ZNF804B: variants seen among roughly 807,000 people sequenced by gnomAD.
ZNF804B encodes zinc finger 804B.
ZNF804B carries 80 observed loss-of-function variants against 101.4 expected under a neutral mutation model. The ratio of observed to expected loss-of-function variants is 0.79; its 90% CI spans 0.66 to 0.95. The LOEUF (loss-of-function observed/expected upper bound fraction) is 0.95, where lower values mean the gene tolerates loss of function less well. Among genes scored for constraint, ZNF804B ranks in the 40% least tolerant of loss-of-function variants. The pLI, the probability that ZNF804B is intolerant of heterozygous loss-of-function variation, is 0.00. For synonymous variants in ZNF804B, 622 were observed against 558.8 expected, an observed-to-expected ratio of 1.11 and a Z score of -1.59; for missense variants, 1,673 against 1,561.9, an observed-to-expected ratio of 1.07 and a Z score of -1.20.
In ZNF804B at chr7:89,076,329, G is replaced by A. The variant is rs539194291; in HGVS notation, c.109-141826G>A. Reference sequence around the variant, plus strand: ...GGTCTTTCCTGTGCTGTTCTCGTGAGAGTGAATGAGTCTCATAAGATCTGA... The same window carrying A: ...GGTCTTTCCTGTGCTGTTCTCGTGAAAGTGAATGAGTCTCATAAGATCTGA... On this transcript the variant is annotated intron_variant, in intron 1 of 3. Coordinates refer to ENST00000333190, the MANE Select transcript of ZNF804B (RefSeq NM_181646.5). Among the ~76,000 whole-genome samples the A allele has an allele frequency of 1.0e-3, 157 of 151,912 alleles. 1 individual carries two copies. The highest frequency in any genetic ancestry group is 3.6e-3 in the African/African-American group (148 of 41,386).
At chr7:89,223,302 A>G (rs1789033635) in intron 2 of ZNF804B, among the ~76,000 whole-genome samples, 1 of 151,894 alleles carries the variant, frequency 6.6e-6, no homozygotes, top group South Asian at 2.1e-4. Flanking sequence ...TCAATAGAAC[A>G]TCTTAGATCT....
chr7:89,329,235 T>C (rs896272395), intron 3 of ZNF804B, among the ~76,000 whole-genome samples: 6 of 151,754 alleles, frequency 4.0e-5, no homozygotes, highest in Non-Finnish European at 8.8e-5. Context: ...TTCAGCTTTC[T>C]AGATATAGAG....
chr7:88,820,317 G>A (rs59534365), intron 1 of ZNF804B, among the ~76,000 whole-genome samples: 2,137 of 152,156 alleles, frequency 0.014, 51 homozygotes, highest in African/African-American at 0.049. Flanking sequence ...TTCACTTTTG[G>A]GAAGCTATCA....
At chr7:89,038,974 G>A (rs1788971521) in intron 1 of ZNF804B, among the ~76,000 whole-genome samples, 1 of 152,014 alleles carries the variant, frequency 6.6e-6, no homozygotes, top group South Asian at 2.1e-4. Flanking sequence ...CCATAAAAGT[G>A]ATGACTTATT....
intron 1 of ZNF804B, among the ~76,000 whole-genome samples, chr7:88,828,138 C>T (rs1791074894): frequency 6.6e-6 from 1 of 152,102 alleles, no homozygotes; most frequent in Non-Finnish European, 1.5e-5. Flanking sequence ...GTGACATTTG[C>T]ACTCTAATGC....
intron 1 of ZNF804B, among the ~76,000 whole-genome samples, chr7:89,192,577 G>A (rs1017170318): frequency 6.6e-5 from 10 of 151,910 alleles, no homozygotes; most frequent in Non-Finnish European, 1.0e-4. Context: ...ACTACCAGAT[G>A]TATATTACCA....
In ZNF804B at chr7:89,106,938, A is replaced by G. The variant is rs77866492; in HGVS notation, c.109-111217A>G. On this transcript the variant is annotated intron_variant, in intron 1 of 3. Transcript: ENST00000333190. ...TGAATTTGGTTTTGGAGCTGTAAGG[A>G]TTTGACAGCTATGTGACTCACAGAA... Among the ~76,000 whole-genome samples, 1,416 of 152,230 alleles carry G rather than the reference A, an allele frequency of 9.3e-3. 18 individuals are homozygous for G. Among genetic ancestry groups the G allele is most frequent in the African/African-American group, 0.032 (1,343 of 41,536 alleles).
At chr7:89,225,717 G>A (rs1193006802) in intron 2 of ZNF804B, among the ~76,000 whole-genome samples, 1 of 152,104 alleles carries the variant, frequency 6.6e-6, no homozygotes, top group African/African-American at 2.4e-5. Flanking sequence ...GTCATGAAAT[G>A]ACATTTTTAT....
At chr7:89,220,025 A>G (rs76742277) in intron 2 of ZNF804B, among the ~76,000 whole-genome samples, 10,789 of 80,622 alleles carry the variant, frequency 0.13, 2,615 homozygotes, top group Admixed American at 0.18. Flanking sequence ...GTGTATACAT[A>G]TATATACGCA....
chr7:88,791,849 C>T (rs908574059), intron 1 of ZNF804B, among the ~76,000 whole-genome samples: 1 of 152,094 alleles, frequency 6.6e-6, no homozygotes, highest in East Asian at 1.9e-4. Context: ...ACAATAATCA[C>T]TAATGTTCAC....
chr7:89,069,548 T>G (rs377577090), intron 1 of ZNF804B, among the ~76,000 whole-genome samples: 32 of 152,278 alleles, frequency 2.1e-4, no homozygotes, highest in African/African-American at 7.7e-4. Flanking sequence ...ACATAAAAAT[T>G]TTGTACTTTT....
chr7:89,086,409 A>T (rs776514351), intron 1 of ZNF804B, among the ~76,000 whole-genome samples: 6 of 152,004 alleles, frequency 3.9e-5, no homozygotes, highest in Non-Finnish European at 7.4e-5. Context: ...CTTTAATCAT[A>T]TCTCACTCCT....
intron 1 of ZNF804B, among the ~76,000 whole-genome samples, chr7:88,866,077 A>G (rs1033896815): frequency 1.3e-5 from 2 of 152,176 alleles, no homozygotes; most frequent in Admixed American, 6.5e-5. Flanking sequence ...GCTAAGCAAA[A>G]CTATACTAGT....
chr7:88,886,269 A>G (rs1350708156), intron 1 of ZNF804B, among the ~76,000 whole-genome samples: 3 of 151,988 alleles, frequency 2.0e-5, no homozygotes, highest in Non-Finnish European at 4.4e-5. Context: ...GCATGGATGT[A>G]TATTTGTAGG....
At chr7:88,773,495 C>A (rs1337262800) in intron 1 of ZNF804B, among the ~76,000 whole-genome samples, 1 of 152,092 alleles carries the variant, frequency 6.6e-6, no homozygotes, top group East Asian at 1.9e-4. Context: ...GGCCATGTAG[C>A]AAAACTGAAA....
At chr7:88,877,504 A>G (rs1791971571) in intron 1 of ZNF804B, among the ~76,000 whole-genome samples, 1 of 152,110 alleles carries the variant, frequency 6.6e-6, no homozygotes, top group African/African-American at 2.4e-5. Context: ...GGTTAAATGG[A>G]TATTAAGGGA....
Position 89,011,091 on chromosome 7 carries a change from T to C in ZNF804B, c.109-207064T>C, listed in dbSNP as rs1788453834. On this transcript the variant is annotated intron_variant, in intron 1 of 3. Coordinates refer to ENST00000333190, the MANE Select transcript of ZNF804B (RefSeq NM_181646.5). ...GGAGGCCTCAGGAAACTTACAATCA[T>C]GGCAGAAGGCACCTCTTCACATGGT... Among the ~76,000 whole-genome samples, 3 of 152,160 alleles carry C rather than the reference T, an allele frequency of 2.0e-5. No individual in the cohort carries two copies. The South Asian group carries it at 6.2e-4, about 32-fold the overall frequency.
chr7:88,845,268 C>T (rs771836547), intron 1 of ZNF804B, among the ~76,000 whole-genome samples: 4 of 148,752 alleles, frequency 2.7e-5, no homozygotes, highest in South Asian at 2.1e-4. Context: ...CACACATATG[C>T]GCATGTGTGC....
intron 1 of ZNF804B, among the ~76,000 whole-genome samples, chr7:89,034,808 T>A (rs1584086960): frequency 6.6e-6 from 1 of 152,300 alleles, no homozygotes; most frequent in East Asian, 1.9e-4. Context: ...TGGTTGTAGA[T>A]CCTTGAGGAA....
Sources: allele counts gnomAD v4.1 joint callset (sites outside exome capture counted in the v4.1 genomes callset), GRCh38; gene constraint gnomAD v4.1.1; transcripts MANE v1.5; gene names NCBI Gene and HGNC (gene_info 2026-07-23, HGNC 2026-07-21).